The following SLC6A16 variants were observed in gnomAD, a reference collection of about 807,000 sequenced individuals.
The protein encoded by SLC6A16 is solute carrier family 6 member 16.
SLC6A16 carries 54 observed loss-of-function variants against 65.4 expected under a neutral mutation model. The observed-to-expected ratio is 0.83, with a 90% CI of 0.66 to 1.04. The LOEUF (loss-of-function observed/expected upper bound fraction) is 1.04, where lower values mean the gene tolerates loss of function less well. Among genes scored for constraint, SLC6A16 ranks in the 50% least tolerant of loss-of-function variants. SLC6A16 has a pLI of 0.00. For missense variants in SLC6A16, 816 were observed against 914.0 expected, an observed-to-expected ratio of 0.89 and a Z score of 1.38; for synonymous variants, 330 against 346.5, an observed-to-expected ratio of 0.95 and a Z score of 0.53.
upstream of SLC6A16, among the ~76,000 whole-genome samples, chr19:49,329,622 CTTTTTTTT>C (rs71180620): frequency 5.7e-5 from 4 of 70,728 alleles, no homozygotes; most frequent in Admixed American, 6.9e-4. Flanking sequence ...AAGGCCTTGT[CTTTTTTTT>C]TTTTTTTTTT....
the SLC6A16 span, chr19:49,338,910 C>T: frequency 6.2e-7 from 1 of 1,613,700 alleles, no homozygotes. The surrounding 1 kb of genome is among the most constrained non-coding windows in gnomAD (Gnocchi z 5.0). Flanking sequence ...CTGCGCTGTC[C>T]CTGCAGAGAG....
At chr19:49,330,274 C>CAG in the SLC6A16 span, among the ~76,000 whole-genome samples, 3 of 152,232 alleles carry the variant, frequency 2.0e-5, no homozygotes, top group African/African-American at 7.2e-5. Context: ...CAGCCAAAGG[C>CAG]AGAGGTTAAG....
the SLC6A16 span, chr19:49,339,567 G>C: frequency 6.9e-7 from 1 of 1,459,014 alleles, no homozygotes; most frequent in East Asian, 2.4e-5. This position sits in a 1 kb window ranked among gnomAD's most constrained non-coding sequence, Gnocchi z 4.5. Context: ...ACCGGAGGGT[G>C]GGGGCGGCCC....
At chr19:49,338,026 C>A in the SLC6A16 span, 2 of 1,613,772 alleles carry the variant, frequency 1.2e-6, no homozygotes, top group Non-Finnish European at 1.7e-6. This position sits in a 1 kb window ranked among gnomAD's most constrained non-coding sequence, Gnocchi z 5.0. Context: ...ATGTGCAGTT[C>A]CAGGTAAGCC....
chr19:49,324,330 C>CAAAT (rs1213097048), intron 1 of SLC6A16, among the ~76,000 whole-genome samples: 5 of 152,030 alleles, frequency 3.3e-5, no homozygotes, highest in Admixed American at 6.6e-5. Flanking sequence ...GACTCCATCT[C>CAAAT]AAATAAATAA....
intron 1 of SLC6A16, among the ~76,000 whole-genome samples, chr19:49,315,994 C>T (rs1970607762): frequency 4.6e-5 from 7 of 152,090 alleles, no homozygotes; most frequent in Admixed American, 4.6e-4. Context: ...TTAAACAAAA[C>T]TCACTATTCA....
At chr19:49,299,225 A>T (rs1435775511) in intron 7 of SLC6A16, among the ~76,000 whole-genome samples, 23 of 150,632 alleles carry the variant, frequency 1.5e-4, no homozygotes, top group Admixed American at 9.9e-4. Context: ...CAGCCTGGGC[A>T]ACAGAGCGAG....
the SLC6A16 span, chr19:49,335,926 T>C: frequency 4.2e-6 from 3 of 707,510 alleles, no homozygotes; most frequent in Admixed American, 7.0e-5. The surrounding 1 kb of genome is among the most constrained non-coding windows in gnomAD (Gnocchi z 4.6). Flanking sequence ...CGGAGGCTTC[T>C]TGGAGCCTGA....
chr19:49,336,694 A>C, the SLC6A16 span: 1 of 536,958 alleles, frequency 1.9e-6, no homozygotes, highest in Non-Finnish European at 3.3e-6. Context: ...GGAGAGGGTA[A>C]GAGGAAGAGA....
At chr19:49,293,066 T>C (rs1003701627) in intron 10 of SLC6A16, 157 bp downstream of exon 10, 3 of 624,162 alleles carry the variant, frequency 4.8e-6, no homozygotes, top group Admixed American at 3.0e-5. Flanking sequence ...CCAAAATATA[T>C]GTGAAAATGG....
intron 10 of SLC6A16, 95 bp downstream of exon 10, chr19:49,293,128 G>T: frequency 8.9e-7 from 1 of 1,118,440 alleles, no homozygotes; most frequent in Non-Finnish European, 1.3e-6. Context: ...GGGTCCCTAT[G>T]TCACACTAGG....
chr19:49,337,436 G>C, the SLC6A16 span, among the ~76,000 whole-genome samples: 23 of 152,148 alleles, frequency 1.5e-4, no homozygotes, highest in East Asian at 4.2e-3. Context: ...AGACCAGCCT[G>C]GGCAACATAG....
chr19:49,317,008 G>A, intron 1 of SLC6A16, among the ~76,000 whole-genome samples: 1 of 152,110 alleles, frequency 6.6e-6, no homozygotes. Context: ...CTGAACTCCA[G>A]CCTGAGCAAC....
the SLC6A16 span, chr19:49,337,778 CAG>C: frequency 6.5e-7 from 1 of 1,542,084 alleles, no homozygotes; most frequent in Admixed American, 2.0e-5. Context: ...AACAGAAAGA[CAG>C]ACCTGAAGTA....
At chr19:49,302,193 T>C (rs1018162323) in intron 7 of SLC6A16, among the ~76,000 whole-genome samples, 9 of 152,194 alleles carry the variant, frequency 5.9e-5, no homozygotes, top group Non-Finnish European at 1.2e-4. Flanking sequence ...TCTGCTGCCA[T>C]GCTTGTGCCT....
the SLC6A16 span, chr19:49,337,355 C>A: frequency 2.2e-6 from 2 of 905,528 alleles, no homozygotes; most frequent in Non-Finnish European, 3.5e-6. Context: ...AGAGGCTGGG[C>A]CTGGTGGCTC....
chr19:49,291,881 A>T (rs1970085359), intron 10 of SLC6A16, among the ~76,000 whole-genome samples: 1 of 151,868 alleles, frequency 6.6e-6, no homozygotes, highest in South Asian at 2.1e-4. Flanking sequence ...TCCTTAACTA[A>T]CCATCTGTGC....
At chr19:49,326,522 G>A (rs1310057884), upstream of SLC6A16, among the ~76,000 whole-genome samples, 1 of 152,106 alleles carries the variant, frequency 6.6e-6, no homozygotes, top group Non-Finnish European at 1.5e-5. Flanking sequence ...AGGAAATTTT[G>A]GGGGTGCTGT....
Position 49,325,065 on chromosome 19 carries a change from T to A in SLC6A16, c.-82A>T. The A allele has an allele frequency of 1.0e-6, 1 of 985,612 alleles. No homozygotes were observed. The allele number at this position is 985,612 out of a possible 1,614,324, so 61.1% of individuals were successfully genotyped here. On this transcript the variant is annotated 5_prime_UTR_variant, in exon 1 of 12. Transcript: ENST00000335875. ...ACCCTCACCCTAGCCCCAAGGCTTC[T>A]GCCAGGTTCTTCAGTCCAGCCAGTC... is the stretch of plus-strand genomic sequence containing the variant.
Sources: gnomAD v4.1 joint callset for allele counts (sites outside exome capture counted in the v4.1 genomes callset) on GRCh38, gnomAD v4.1.1 for gene constraint, Gnocchi (gnomAD v3.1) non-coding constraint, MANE v1.5 for transcripts, NCBI Gene and HGNC (gene_info 2026-07-23, HGNC 2026-07-21) for gene names.